The following USP53 variants were observed in gnomAD, a reference collection of about 807,000 sequenced individuals.
The protein encoded by USP53 is ubiquitin specific peptidase 53, also known as ubiquitin carboxyl-terminal hydrolase 53.
USP53 carries 71 observed loss-of-function variants against 94.9 expected under a neutral mutation model. The observed-to-expected ratio is 0.75, with a 90% CI of 0.62 to 0.91. The LOEUF is 0.91. Ranked by LOEUF, USP53 falls within the 40% of genes least tolerant of loss-of-function variation. USP53 has a pLI of 0.00. For synonymous variants in USP53, 375 were observed against 422.7 expected (o/e 0.89, Z 1.39); for missense variants, 1,173 against 1,281.0 (o/e 0.92, Z 1.29).
intron 3 of USP53, among the ~76,000 whole-genome samples, chr4:119,224,826 T>C (rs1162691356): frequency 6.6e-6 from 1 of 152,102 alleles, no homozygotes; most frequent in Non-Finnish European, 1.5e-5. Flanking sequence ...ACTAAGGCAG[T>C]GTGGAGGGAA....
chr4:119,251,537 C>A (rs1749006082), intron 7 of USP53, among the ~76,000 whole-genome samples: 1 of 152,140 alleles, frequency 6.6e-6, no homozygotes, highest in African/African-American at 2.4e-5. Flanking sequence ...TAAAAGCATT[C>A]CTATTTTTCT....
At chr4:119,257,650 G>T (rs906259600) in intron 9 of USP53, among the ~76,000 whole-genome samples, 6 of 152,014 alleles carry the variant, frequency 3.9e-5, no homozygotes, top group African/African-American at 1.5e-4. Context: ...TATCTTCCTG[G>T]CTTTATTGAG....
chr4:119,273,154 A>G (rs973153226), intron 16 of USP53: 22 of 152,864 alleles, frequency 1.4e-4, no homozygotes, highest in African/African-American at 5.1e-4. Context: ...TCTAGGAAAC[A>G]GTTTTAAAAT....
intron 3 of USP53, among the ~76,000 whole-genome samples, chr4:119,230,958 G>A (rs1245617739): frequency 6.6e-6 from 1 of 152,150 alleles, no homozygotes; most frequent in East Asian, 1.9e-4. Flanking sequence ...ACTGAAAGGT[G>A]GTCACTGTGG....
At position 119,239,696 on chromosome 4, in the gene USP53, T is replaced by A; in HGVS notation, c.-64T>A. On this transcript the variant is annotated 5_prime_UTR_variant, in exon 5 of 19. In the 5' UTR this introduces an upstream ATG that the reference lacks. Coordinates refer to ENST00000692078, the MANE Select transcript of USP53 (RefSeq NM_001371395.1). ...TGGACAATTCAAGACATCCATTTTATTGTCCAAAATATTACATAAAAGTGT... is the reference window on the plus strand; with the variant it reads ...TGGACAATTCAAGACATCCATTTTAATGTCCAAAATATTACATAAAAGTGT... The A allele has an allele frequency of 6.6e-7, 1 of 1,516,082 alleles. No individual in the cohort carries two copies. The highest frequency in any genetic ancestry group is 8.8e-7 in the Non-Finnish European group (1 of 1,130,254). The allele number at this position is 1,516,082 out of a possible 1,614,324, so 93.9% of individuals were successfully genotyped here.
At position 119,271,887 on chromosome 4, in the gene USP53, G is replaced by T. The variant is rs1267271681; in HGVS notation, c.2027G>T (p.Gly676Val). The change falls in exon 16 of 19, where the codon GGT (glycine) becomes GTT (valine). Residue 676 changes from glycine (G) to valine (V), a missense_variant. Coordinates refer to ENST00000692078, the MANE Select transcript of USP53 (RefSeq NM_001371395.1). ...GGCCTTGTAGAGGGTAAAGTGCATG[G>T]TGATAATTGGCAGATGCAAAGGACT... ...NKGLVEGKVH[G>V]DNWQMQRTES... 3.1e-6 allele frequency: 5 copies of T among 1,614,164 alleles called. No homozygotes were observed. In the South Asian group the frequency reaches 5.5e-5, roughly 18 times the overall value.
At chr4:119,285,521 A>T (rs1754002199) in intron 17 of USP53, among the ~76,000 whole-genome samples, 1 of 151,860 alleles carries the variant, frequency 6.6e-6, no homozygotes, top group South Asian at 2.1e-4. Context: ...GAAAGAAGTT[A>T]ATCAGTGGTT....
intron 4 of USP53, among the ~76,000 whole-genome samples, chr4:119,238,211 C>G (rs1747044198): frequency 6.6e-6 from 1 of 152,164 alleles, no homozygotes; most frequent in South Asian, 2.1e-4. Context: ...TTTCAACATG[C>G]CTTCCTCACC....
chr4:119,260,441 C>A, intron 10 of USP53, 66 bp from the exon 11 acceptor site: 1 of 1,425,964 alleles, frequency 7.0e-7, no homozygotes. Flanking sequence ...TTATATAATG[C>A]AAACTGTGTA....
chr4:119,279,749 C>A (rs542197124), intron 17 of USP53, among the ~76,000 whole-genome samples: 2 of 152,192 alleles, frequency 1.3e-5, no homozygotes, highest in Non-Finnish European at 2.9e-5. Flanking sequence ...TAGCAGTCAG[C>A]GAGATTCCAT....
At position 119,269,851 on chromosome 4, in the gene USP53, T is replaced by C. The variant is rs756365663; in HGVS notation, c.1435+14T>C. ...GACGACATAGAGGTAAGTTAAGATC[T>C]TGTACTATTGATTTTAAAAGGAACT... On this transcript the variant is annotated intron_variant, in intron 15 of 18. Coordinates refer to ENST00000692078, the MANE Select transcript of USP53 (RefSeq NM_001371395.1). 67 of 1,342,364 alleles carry C rather than the reference T, an allele frequency of 5.0e-5. No homozygotes were observed. Among genetic ancestry groups the C allele is most frequent in the Middle Eastern group, 2.0e-4 (1 of 4,910 alleles). 83.2% of individuals were successfully genotyped at this position (1,342,364 alleles called of 1,614,324 possible). A position where few individuals can be genotyped will look rare whatever the true frequency, so the allele number is the denominator to read the frequency against.
chr4:119,213,660 A>ATATGTGTGTGTGTGTGTGTG, intron 1 of USP53, among the ~76,000 whole-genome samples: 13 of 117,782 alleles, frequency 1.1e-4, no homozygotes, highest in African/African-American at 4.7e-4. Flanking sequence ...ATATATATAT[A>ATATGTGTGTGTGTGTGTGTG]TGTGTGTGTG....
At chr4:119,213,019 C>G (rs1225708407) in intron 1 of USP53, 146 bp downstream of exon 1, 1 of 157,794 alleles carries the variant, frequency 6.3e-6, no homozygotes, top group Non-Finnish European at 1.4e-5. Flanking sequence ...CCTCTGGGCA[C>G]ACACACACTC....
At chr4:119,245,238 G>T (rs184697345) in intron 5 of USP53, 99 bp from the exon 6 acceptor site, 377 of 1,040,888 alleles carry the variant, frequency 3.6e-4, no homozygotes, top group Admixed American at 5.6e-4. Context: ...GAAGTTACTT[G>T]TTCGCCTTTT....
intron 9 of USP53, among the ~76,000 whole-genome samples, chr4:119,257,247 G>A (rs1481150952): frequency 6.6e-5 from 10 of 152,126 alleles, no homozygotes; most frequent in Admixed American, 6.5e-4. Context: ...TTCAAGACCA[G>A]CCTGGCCAAG....
intron 3 of USP53, among the ~76,000 whole-genome samples, chr4:119,230,813 G>C (rs915706328): frequency 6.6e-6 from 1 of 152,180 alleles, no homozygotes; most frequent in Non-Finnish European, 1.5e-5. Context: ...TGGGGAGCAA[G>C]AGACAGAGAG....
intron 15 of USP53, among the ~76,000 whole-genome samples, chr4:119,270,418 G>A (rs1002707275): frequency 6.6e-6 from 1 of 152,016 alleles, no homozygotes; most frequent in African/African-American, 2.4e-5. Flanking sequence ...ATTAATATGA[G>A]TTCTTTAATA....
Position 119,226,005 on chromosome 4 carries a change from T to G in USP53, c.-665+8332T>G, listed in dbSNP as rs188342870. Among the ~76,000 whole-genome samples, 542 of 152,292 alleles carry G rather than the reference T, an allele frequency of 3.6e-3. 2 individuals are homozygous for G. Among genetic ancestry groups the G allele is most frequent in the African/African-American group, 0.012 (499 of 41,534 alleles). On this transcript the variant is annotated intron_variant, in intron 3 of 18. Transcript: ENST00000692078. ...TCAGAATCATATAATCATCTTAGTA[T>G]TTACAAAATTTAAAAGTTTTGACAA...
Position 119,222,362 on chromosome 4 carries a change from T to TAAAC in USP53, c.-665+4690_-665+4691insAACA, listed in dbSNP as rs548349915. ...TTGAAATATACAATACATTACTGTT[T>TAAAC]AGTCACTGTGTTGTGCTACTGAACA... On this transcript the variant is annotated intron_variant, in intron 3 of 18. Coordinates refer to ENST00000692078, the MANE Select transcript of USP53 (RefSeq NM_001371395.1). Among the ~76,000 whole-genome samples, 47 of 152,372 alleles carry TAAAC rather than the reference T, an allele frequency of 3.1e-4. No homozygotes were observed. The East Asian group carries it at 7.3e-3, about 24-fold the overall frequency.
Sources: gnomAD v4.1 joint callset for allele counts (sites outside exome capture counted in the v4.1 genomes callset) on GRCh38, gnomAD v4.1.1 for gene constraint, MANE v1.5 for transcripts, NCBI Gene and HGNC (gene_info 2026-07-23, HGNC 2026-07-21) for gene names.